GRID2: variants seen among roughly 807,000 people sequenced by gnomAD.
The protein encoded by GRID2 is glutamate receptor ionotropic, delta-2.
In GRID2, 33 loss-of-function variants were observed where a neutral mutation model predicts 114.8. The ratio of observed to expected loss-of-function variants is 0.29; its 90% CI spans 0.22 to 0.38. The LOEUF (loss-of-function observed/expected upper bound fraction) is 0.38, where lower values mean the gene tolerates loss of function less well. GRID2 is among the 10% of genes least tolerant of loss of function. The pLI is 1.00. For missense variants in GRID2, 1,184 were observed against 1,257.7 expected (o/e 0.94, Z 0.89); for synonymous variants, 505 against 449.9 (o/e 1.12, Z -1.55).
Position 93,584,480 on chromosome 4 carries a change from ATGT to A in GRID2, c.2194-41784_2194-41782del, listed in dbSNP as rs1055705022. On this transcript the variant is annotated intron_variant, in intron 13 of 15. Transcript: ENST00000282020. The stretch of plus-strand genomic sequence containing the variant: ...TTATACTATCCCTCAATGGTTGAAA[ATGT>A]TGTTTTTTGACATGAGGGATACTTC... Among the ~76,000 whole-genome samples, 15 of 152,192 alleles carry A rather than the reference ATGT, an allele frequency of 9.9e-5. No homozygotes were observed. The South Asian group carries it at 1.7e-3, about 17-fold the overall frequency.
intron 2 of GRID2, among the ~76,000 whole-genome samples, chr4:93,062,131 C>T (rs1277886422): frequency 6.6e-6 from 1 of 152,136 alleles, no homozygotes; most frequent in Admixed American, 6.6e-5. Context: ...CTATATAATT[C>T]ATTCTAACAA....
chr4:93,723,432 A>G (rs1382053992), intron 14 of GRID2, among the ~76,000 whole-genome samples: 4 of 152,258 alleles, frequency 2.6e-5, no homozygotes, highest in Admixed American at 2.6e-4. Flanking sequence ...ATCAATAAAA[A>G]TGGGCCCAGA....
chr4:93,581,850 T>G (rs920124028), intron 13 of GRID2, among the ~76,000 whole-genome samples: 1 of 152,186 alleles, frequency 6.6e-6, no homozygotes. Context: ...AGCAGTACTT[T>G]GGATCCTCAG....
chr4:93,529,875 G>A (rs1458795952), intron 13 of GRID2, among the ~76,000 whole-genome samples: 3 of 152,220 alleles, frequency 2.0e-5, no homozygotes, highest in East Asian at 1.9e-4. Flanking sequence ...TCACCTGGAT[G>A]TCCTGTCAGT....
chr4:93,136,460 A>G (rs1430940402), intron 4 of GRID2, among the ~76,000 whole-genome samples: 1 of 152,116 alleles, frequency 6.6e-6, no homozygotes, highest in Non-Finnish European at 1.5e-5. Flanking sequence ...TGACATGACA[A>G]TCCTGAAGAT....
chr4:92,960,613 G>C (rs1752735615), intron 2 of GRID2, among the ~76,000 whole-genome samples: 1 of 151,746 alleles, frequency 6.6e-6, no homozygotes, highest in Non-Finnish European at 1.5e-5. Flanking sequence ...TTCATTTACT[G>C]TTAACTTATA....
intron 4 of GRID2, among the ~76,000 whole-genome samples, chr4:93,132,525 G>A (rs1734895206): frequency 6.6e-6 from 1 of 152,128 alleles, no homozygotes; most frequent in Non-Finnish European, 1.5e-5. Flanking sequence ...TCTCAGCATG[G>A]ATGCTAATTT....
rs138589974 is a variant in GRID2 at position 93,155,310 on chromosome 4, T to A, written c.735+44357T>A. Among the ~76,000 whole-genome samples, 134 of 152,114 alleles carry A rather than the reference T, an allele frequency of 8.8e-4. 1 individual carries two copies. The highest frequency in any genetic ancestry group is 3.1e-3 in the African/African-American group (129 of 41,546). ...AGCCATTCTGAAAAATCTTCATGCCTCTGCATATTCTATTGCTCTGCACAG... is the reference window on the plus strand; with the variant it reads ...AGCCATTCTGAAAAATCTTCATGCCACTGCATATTCTATTGCTCTGCACAG... On this transcript the variant is annotated intron_variant, in intron 4 of 15. Transcript: ENST00000282020.
intron 3 of GRID2, among the ~76,000 whole-genome samples, chr4:93,091,498 CAA>C (rs1260073072): frequency 2.0e-5 from 3 of 152,190 alleles, no homozygotes; most frequent in African/African-American, 7.2e-5. Flanking sequence ...TTTTGAAAGA[CAA>C]ATATCATTAA....
chr4:93,052,893 T>G (rs914371691), intron 2 of GRID2, among the ~76,000 whole-genome samples: 1 of 151,894 alleles, frequency 6.6e-6, no homozygotes, highest in Non-Finnish European at 1.5e-5. Context: ...ATTCTTAATT[T>G]TGCAGTTAAT....
intron 10 of GRID2, among the ~76,000 whole-genome samples, chr4:93,434,220 T>A (rs1404002259): frequency 6.6e-6 from 1 of 152,196 alleles, no homozygotes; most frequent in Non-Finnish European, 1.5e-5. Flanking sequence ...GTTTTAAAAA[T>A]GTAACAGATC....
intron 4 of GRID2, among the ~76,000 whole-genome samples, chr4:93,178,254 G>A (rs1474436797): frequency 2.0e-5 from 3 of 151,732 alleles, no homozygotes; most frequent in Admixed American, 6.6e-5. Flanking sequence ...CATCTGTCCA[G>A]GTTACCACAG....
intron 8 of GRID2, among the ~76,000 whole-genome samples, chr4:93,251,693 G>A (rs1431249806): frequency 1.3e-5 from 2 of 152,058 alleles, no homozygotes; most frequent in African/African-American, 4.8e-5. Context: ...GCTCCAGTAT[G>A]TGTCGTTCCC....
intron 13 of GRID2, among the ~76,000 whole-genome samples, chr4:93,520,693 A>G (rs764331356): frequency 1.3e-5 from 2 of 152,090 alleles, no homozygotes; most frequent in East Asian, 3.9e-4. Flanking sequence ...GGGCCCCACT[A>G]AAGTCCAAAT....
At position 92,466,817 on chromosome 4, in the gene GRID2, C is replaced by CAT. The variant is rs111455294; in HGVS notation, c.89-123301_89-123300dup. 1.7e-3 allele frequency among the ~76,000 whole-genome samples: 253 copies of CAT among 149,738 alleles called. 1 individual carries two copies. The highest frequency in any genetic ancestry group is 4.2e-3 in the African/African-American group (173 of 40,976). On this transcript the variant is annotated intron_variant, in intron 1 of 15. Coordinates refer to ENST00000282020, the MANE Select transcript of GRID2 (RefSeq NM_001510.4). Reference sequence around the variant, plus strand: ...TATATATCTACCTAAATGATACATACATATATATATATATGTGTGTGTGTG... The same window carrying CAT: ...TATATATCTACCTAAATGATACATACATATATATATATATATGTGTGTGTGTG...
intron 2 of GRID2, among the ~76,000 whole-genome samples, chr4:92,921,660 C>T (rs367564863): frequency 3.8e-4 from 58 of 152,238 alleles, no homozygotes; most frequent in African/African-American, 1.3e-3. Context: ...TGCAGAACAG[C>T]GGCTATTGGT....
intron 13 of GRID2, among the ~76,000 whole-genome samples, chr4:93,607,211 T>C (rs759331439): frequency 2.0e-5 from 3 of 152,166 alleles, no homozygotes; most frequent in Non-Finnish European, 2.9e-5. Flanking sequence ...TATTTTTCTC[T>C]AAGCATTTTT....
At chr4:93,768,407 C>T (rs1329189852) in intron 14 of GRID2, among the ~76,000 whole-genome samples, 1 of 152,194 alleles carries the variant, frequency 6.6e-6, no homozygotes, top group Non-Finnish European at 1.5e-5. Context: ...AGAATAATTC[C>T]TCTATGAAAA....
intron 7 of GRID2, among the ~76,000 whole-genome samples, chr4:93,227,137 T>C (rs1244326204): frequency 1.3e-5 from 2 of 152,212 alleles, no homozygotes; most frequent in Non-Finnish European, 2.9e-5. Context: ...TAAATCTTTC[T>C]CCTATTGTCC....
Sources: gnomAD v4.1 joint callset for allele counts (sites outside exome capture counted in the v4.1 genomes callset) on GRCh38, gnomAD v4.1.1 for gene constraint, MANE v1.5 for transcripts, NCBI Gene and HGNC (gene_info 2026-07-23, HGNC 2026-07-21) for gene names.